THEMIS: variants seen among roughly 807,000 people sequenced by gnomAD.
THEMIS encodes the protein thymocyte selection associated.
THEMIS carries 37 observed loss-of-function variants against 52.6 expected under a neutral mutation model. The observed-to-expected ratio is 0.70, with a 90% CI of 0.54 to 0.93. The LOEUF is 0.93. THEMIS is among the 40% of genes least tolerant of loss of function. The probability of loss-of-function intolerance (pLI) is 0.00; values close to 1 mark genes in which losing one functional copy is unlikely to be tolerated. For synonymous variants in THEMIS, 292 were observed against 272.7 expected, an observed-to-expected ratio of 1.07 and a Z score of -0.70; for missense variants, 808 against 763.1, an observed-to-expected ratio of 1.06 and a Z score of -0.69.
At chr6:127,848,622 T>A (rs1422443550) in intron 2 of THEMIS, among the ~76,000 whole-genome samples, 1 of 152,152 alleles carries the variant, frequency 6.6e-6, no homozygotes, top group African/African-American at 2.4e-5. Context: ...CCATTCTAAC[T>A]GGTGTGAGAT....
chr6:127,797,688 T>A (rs1477513178), intron 4 of THEMIS, among the ~76,000 whole-genome samples: 1 of 152,200 alleles, frequency 6.6e-6, no homozygotes, highest in Non-Finnish European at 1.5e-5. Flanking sequence ...TTACCCATAA[T>A]GCCAGGGACT....
At chr6:127,865,223 A>G (rs1034431991) in intron 1 of THEMIS, among the ~76,000 whole-genome samples, 1 of 152,162 alleles carries the variant, frequency 6.6e-6, no homozygotes, top group African/African-American at 2.4e-5. Flanking sequence ...AAAAACAGAC[A>G]TCCACCAAAA....
At chr6:127,861,783 C>CAAAAAAAAAAAAAAAAAAAAAAA (rs1225783673) in intron 1 of THEMIS, among the ~76,000 whole-genome samples, 36 of 95,680 alleles carry the variant, frequency 3.8e-4, no homozygotes, top group Non-Finnish European at 5.1e-4. Context: ...GACTCCATCT[C>CAAAAAAAAAAAAAAAAAAAAAAA]AAAAAAAAAA....
intron 1 of THEMIS, among the ~76,000 whole-genome samples, chr6:127,859,333 C>T (rs1328552411): frequency 6.6e-6 from 1 of 152,116 alleles, no homozygotes; most frequent in Non-Finnish European, 1.5e-5. Context: ...CCTCTGTGCT[C>T]TGATAGCACT....
chr6:127,842,056 C>G (rs530763308), intron 2 of THEMIS, among the ~76,000 whole-genome samples: 2 of 152,064 alleles, frequency 1.3e-5, no homozygotes, highest in South Asian at 4.1e-4. Context: ...CAACTTCTGA[C>G]TTACATTCCT....
chr6:127,829,463 A>C lies in THEMIS; in HGVS notation c.709+13T>G. 6.3e-7 allele frequency: 1 copy of C among 1,575,754 alleles called. No homozygotes were observed. Reference sequence around the variant, plus strand: ...CTCATGCTCATAGAACATCATTCTCAGTGGATACTCACATTTCATCACACC... The same window carrying C: ...CTCATGCTCATAGAACATCATTCTCCGTGGATACTCACATTTCATCACACC... On this transcript the variant is annotated intron_variant, in intron 3 of 5. Transcript: ENST00000368248.
intron 5 of THEMIS, among the ~76,000 whole-genome samples, chr6:127,710,480 A>G (rs1288115422): frequency 1.3e-5 from 2 of 152,008 alleles, no homozygotes; most frequent in Non-Finnish European, 2.9e-5. Context: ...CCTCCTGAAT[A>G]GAATGCAAGC....
chr6:127,780,681 C>T (rs1051136425), intron 4 of THEMIS, among the ~76,000 whole-genome samples: 1 of 152,174 alleles, frequency 6.6e-6, no homozygotes, highest in Non-Finnish European at 1.5e-5. Flanking sequence ...ATGTGAAATT[C>T]TGGGTTGAAA....
chr6:127,891,552 A>G (rs1780810012), intron 1 of THEMIS, among the ~76,000 whole-genome samples: 1 of 147,598 alleles, frequency 6.8e-6, no homozygotes, highest in African/African-American at 2.5e-5. Context: ...AAAAAAAAAA[A>G]AAAAGAAAGA....
downstream of THEMIS, among the ~76,000 whole-genome samples, chr6:127,706,913 A>T (rs1372171997): frequency 2.0e-5 from 3 of 152,134 alleles, no homozygotes; most frequent in Non-Finnish European, 2.9e-5. Flanking sequence ...GTCCATTCTT[A>T]CACTGCTAAT....
intron 5 of THEMIS, among the ~76,000 whole-genome samples, chr6:127,711,635 T>C (rs574408858): frequency 6.6e-6 from 1 of 152,108 alleles, no homozygotes; most frequent in South Asian, 2.1e-4. Flanking sequence ...CAAACAGTAA[T>C]AAAACCATAT....
intron 4 of THEMIS, among the ~76,000 whole-genome samples, chr6:127,798,739 C>T (rs1012876116): frequency 1.3e-5 from 2 of 151,806 alleles, no homozygotes; most frequent in African/African-American, 2.4e-5. Flanking sequence ...GCCTGTAATC[C>T]CAGCACTTTG....
chr6:127,819,574 C>T (rs1778264266), intron 3 of THEMIS, among the ~76,000 whole-genome samples: 1 of 152,096 alleles, frequency 6.6e-6, no homozygotes, highest in Non-Finnish European at 1.5e-5. Context: ...AGGAAAAACA[C>T]AACATTTACA....
chr6:127,829,341 T>C (rs1778613954), intron 3 of THEMIS, 135 bp downstream of exon 3: 1 of 674,212 alleles, frequency 1.5e-6, no homozygotes, highest in African/African-American at 1.8e-5. Flanking sequence ...GCTTATTGAT[T>C]GATGAGGAAT....
chr6:127,861,872 A>G (rs530535949), intron 1 of THEMIS, among the ~76,000 whole-genome samples: 18 of 152,084 alleles, frequency 1.2e-4, no homozygotes, highest in African/African-American at 3.1e-4. Context: ...AAAATTTTTA[A>G]TAAGACATTT....
chr6:127,814,557 T>C (rs1414320275), intron 3 of THEMIS, among the ~76,000 whole-genome samples: 1 of 152,164 alleles, frequency 6.6e-6, no homozygotes, highest in Non-Finnish European at 1.5e-5. Context: ...ATTTTTCCAA[T>C]GTCAAAGTTC....
chr6:127,879,771 T>C (rs548231761), intron 1 of THEMIS, among the ~76,000 whole-genome samples: 1 of 152,212 alleles, frequency 6.6e-6, no homozygotes, highest in South Asian at 2.1e-4. Flanking sequence ...AAGCTGCCTC[T>C]GGCCTTCCGT....
chr6:127,760,756 A>G (rs910767322), intron 4 of THEMIS, among the ~76,000 whole-genome samples: 2 of 152,110 alleles, frequency 1.3e-5, no homozygotes, highest in African/African-American at 4.8e-5. Context: ...CATCCTGTAT[A>G]ACAGAGTGAG....
intron 2 of THEMIS, among the ~76,000 whole-genome samples, chr6:127,839,537 C>T (rs1034583154): frequency 2.6e-5 from 4 of 151,894 alleles, no homozygotes; most frequent in Non-Finnish European, 4.4e-5. Flanking sequence ...TGGAGTCTTG[C>T]TTTCACCCAG....
Sources: gnomAD v4.1 joint callset for allele counts (sites outside exome capture counted in the v4.1 genomes callset) on GRCh38, gnomAD v4.1.1 for gene constraint, MANE v1.5 for transcripts, NCBI Gene and HGNC (gene_info 2026-07-23, HGNC 2026-07-21) for gene names.